AHCY: variants seen among roughly 807,000 people sequenced by gnomAD.
The protein encoded by AHCY is S-adenosyl-L-homocysteine hydrolase.
In AHCY, 24 loss-of-function variants were observed where a neutral mutation model predicts 45.4. That is an observed-to-expected ratio of 0.53 (90% CI 0.38 to 0.74). The LOEUF (loss-of-function observed/expected upper bound fraction) is 0.74, where lower values mean the gene tolerates loss of function less well. Ranked by LOEUF, AHCY falls within the 30% of genes least tolerant of loss-of-function variation. The pLI is 0.00. For synonymous variants in AHCY, 245 were observed against 235.1 expected, an observed-to-expected ratio of 1.04 and a Z score of -0.39; for missense variants, 449 against 594.1, an observed-to-expected ratio of 0.76 and a Z score of 2.54.
chr20:34,273,056 G>C, the AHCY span, among the ~76,000 whole-genome samples: 5 of 152,180 alleles, frequency 3.3e-5, no homozygotes. Flanking sequence ...TCTGAAGCCT[G>C]TCCTCTTGGG....
intron 8 of AHCY, among the ~76,000 whole-genome samples, chr20:34,286,939 C>T (rs2036208314): frequency 6.6e-6 from 1 of 151,478 alleles, no homozygotes; most frequent in Non-Finnish European, 1.5e-5. Context: ...AGGTTGAGAA[C>T]TCCCGGTTTA....
chr20:34,277,710 G>C (rs375511336), downstream of AHCY, among the ~76,000 whole-genome samples: 1 of 140,514 alleles, frequency 7.1e-6, no homozygotes, highest in Non-Finnish European at 1.5e-5. Flanking sequence ...AGCCGAGATC[G>C]CGCCACTGCA....
chr20:34,295,723 C>CGT, intron 1 of AHCY, 138 bp from the exon 2 acceptor site: 1 of 881,222 alleles, frequency 1.1e-6, no homozygotes, highest in Non-Finnish European at 1.8e-6. Flanking sequence ...TTCTCTCACT[C>CGT]ATGCAACAAG....
At chr20:34,275,713 C>G (rs920624160), downstream of AHCY, among the ~76,000 whole-genome samples, 2 of 149,862 alleles carry the variant, frequency 1.3e-5, no homozygotes, top group African/African-American at 2.5e-5. Flanking sequence ...AGCCCTTGCT[C>G]TGTCCCCCAG....
chr20:34,258,685 A>ATATATATACACTATATG, the AHCY span, among the ~76,000 whole-genome samples: 1 of 74,492 alleles, frequency 1.3e-5, no homozygotes, highest in African/African-American at 8.7e-5. Flanking sequence ...ATATATATAT[A>ATATATATACACTATATG]TATATACATA....
chr20:34,305,063 C>A (rs1568819666), upstream of AHCY, among the ~76,000 whole-genome samples: 1 of 150,972 alleles, frequency 6.6e-6, no homozygotes, highest in South Asian at 2.1e-4. Flanking sequence ...CGCCTGTAAT[C>A]CCAGCACATT....
chr20:34,292,481 C>G lies in AHCY; in HGVS notation c.322G>C (p.Glu108Gln), dbSNP rs1180386561. 5 of 1,614,026 alleles carry G rather than the reference C, an allele frequency of 3.1e-6. No homozygotes were observed. The Admixed American group carries it at 8.3e-5, about 27-fold the overall frequency. ...TGCTCAATGCACCACAGGTACTCCT[C>G]GTCCGTTTCGCCCTTCCAGGCATAC... Reference protein sequence around the residue: ...PVYAWKGETDEEYLWCIEQTL... With the variant: ...PVYAWKGETDQEYLWCIEQTL... Residue 108 changes from glutamate to glutamine, a missense_variant, in exon 4 of 10, where the codon GAG becomes CAG. Physicochemically the swap from Glu to Gln is conservative, Grantham distance 29 (BLOSUM62 2). Transcript: ENST00000217426.
At chr20:34,269,274 G>A in the AHCY span, 1 of 1,345,834 alleles carries the variant, frequency 7.4e-7, no homozygotes, top group Non-Finnish European at 9.7e-7. Context: ...GGCGGGCGGA[G>A]GTTCCAGGAG....
the AHCY span, among the ~76,000 whole-genome samples, chr20:34,234,662 C>T: frequency 6.6e-6 from 1 of 151,914 alleles, no homozygotes; most frequent in Admixed American, 6.6e-5. Context: ...ATTCGCCGGG[C>T]GTGGTGGCAG....
downstream of AHCY, among the ~76,000 whole-genome samples, chr20:34,277,351 A>G (rs1214374486): frequency 6.6e-6 from 1 of 152,098 alleles, no homozygotes; most frequent in East Asian, 1.9e-4. Flanking sequence ...ACAGGACTCT[A>G]AGGTTCTCCC....
the AHCY span, among the ~76,000 whole-genome samples, chr20:34,244,582 T>C: frequency 6.6e-6 from 1 of 152,216 alleles, no homozygotes. Flanking sequence ...GTTTAATCAT[T>C]TTCCAATTGT....
the AHCY span, chr20:34,269,365 T>A: frequency 1.5e-6 from 1 of 679,412 alleles, no homozygotes; most frequent in Non-Finnish European, 2.2e-6. Flanking sequence ...CGGCTGTTTC[T>A]GTAAAGGTCC....
chr20:34,264,313 T>C, the AHCY span, among the ~76,000 whole-genome samples: 1 of 152,226 alleles, frequency 6.6e-6, no homozygotes, highest in Admixed American at 6.5e-5. Context: ...CCTGTTGCCA[T>C]TGCGGCATGC....
the AHCY span, among the ~76,000 whole-genome samples, chr20:34,241,206 C>G: frequency 1.3e-5 from 2 of 152,164 alleles, no homozygotes; most frequent in African/African-American, 4.8e-5. Flanking sequence ...TAGAGAGCTC[C>G]TTTGTAAAAT....
the AHCY span, among the ~76,000 whole-genome samples, chr20:34,269,691 T>C: frequency 6.6e-6 from 1 of 151,132 alleles, no homozygotes; most frequent in African/African-American, 2.4e-5. Context: ...ACGCCTGTAA[T>C]CCCAGCACTT....
upstream of AHCY, among the ~76,000 whole-genome samples, chr20:34,305,900 A>G (rs562651890): frequency 5.9e-5 from 9 of 152,128 alleles, no homozygotes; most frequent in Admixed American, 5.9e-4. Flanking sequence ...TGGCCAACAT[A>G]GTGAAACCCT....
At chr20:34,284,780 G>A (rs1049720917) in intron 9 of AHCY, among the ~76,000 whole-genome samples, 1 of 152,140 alleles carries the variant, frequency 6.6e-6, no homozygotes, top group East Asian at 1.9e-4. Context: ...CCGAGATCAC[G>A]TCACTGCACT....
intron 5 of AHCY, among the ~76,000 whole-genome samples, chr20:34,291,188 G>A (rs955335838): frequency 6.6e-6 from 1 of 152,166 alleles, no homozygotes; most frequent in Non-Finnish European, 1.5e-5. Context: ...AGATTGCCCG[G>A]TCAAAGACCT....
At chr20:34,251,296 A>C in the AHCY span, among the ~76,000 whole-genome samples, 4 of 150,886 alleles carry the variant, frequency 2.7e-5, no homozygotes, top group African/African-American at 7.3e-5. Flanking sequence ...TTTGAGACAG[A>C]GTCTCGCTCC....
Sources: allele counts gnomAD v4.1 joint callset (sites outside exome capture counted in the v4.1 genomes callset), GRCh38; gene constraint gnomAD v4.1.1; transcripts MANE v1.5; gene names NCBI Gene and HGNC (gene_info 2026-07-23, HGNC 2026-07-21).